Variants in CHD6 observed in about 807,000 individuals in gnomAD.
CHD6 encodes the protein ATP-dependent chromatin remodeler CHD6.
A neutral mutation model predicts 276.9 loss-of-function variants in CHD6; 50 were observed. The ratio of observed to expected loss-of-function variants is 0.18; its 90% CI spans 0.14 to 0.23. The LOEUF (loss-of-function observed/expected upper bound fraction) is 0.23, where lower values mean the gene tolerates loss of function less well. Among genes scored for constraint, CHD6 ranks in the 10% least tolerant of loss-of-function variants. CHD6 has a pLI of 1.00. For missense variants in CHD6, 2,564 were observed against 3,365.8 expected, an observed-to-expected ratio of 0.76 and a Z score of 5.89; for synonymous variants, 1,173 against 1,229.3, an observed-to-expected ratio of 0.95 and a Z score of 0.96.
chr20:41,554,074 T>C (rs2045184820), intron 1 of CHD6, among the ~76,000 whole-genome samples: 1 of 152,144 alleles, frequency 6.6e-6, no homozygotes, highest in Non-Finnish European at 1.5e-5. Context: ...CATCTGAGTC[T>C]GGGAGGTCCA....
intron 1 of CHD6, among the ~76,000 whole-genome samples, chr20:41,602,270 T>C (rs1251225626): frequency 6.6e-6 from 1 of 152,234 alleles, no homozygotes; most frequent in Admixed American, 6.5e-5. Context: ...CAAAGCTTCC[T>C]TTCCGCTACC....
In CHD6 at chr20:41,423,710, T is replaced by G. The variant is rs778385715; in HGVS notation, c.4347-10A>C. 4 of 1,609,244 alleles carry G rather than the reference T, an allele frequency of 2.5e-6. No individual in the cohort carries two copies. Among genetic ancestry groups the G allele is most frequent in the Non-Finnish European group, 3.4e-6 (4 of 1,175,864 alleles). On this transcript the variant is annotated splice_polypyrimidine_tract_variant and intron_variant, in intron 29 of 36. Transcript: ENST00000373233. ...TTCTCTCCTAGTCCACCTTGAGATT[T>G]AATCAGAAAGGAAGAGTGAGCTCTT...
At chr20:41,596,031 A>T (rs1185541696) in intron 1 of CHD6, among the ~76,000 whole-genome samples, 1 of 152,106 alleles carries the variant, frequency 6.6e-6, no homozygotes. Context: ...GGGACCCTTT[A>T]GACAACCTTC....
chr20:41,609,843 T>G (rs2045867115), intron 1 of CHD6, among the ~76,000 whole-genome samples: 1 of 149,302 alleles, frequency 6.7e-6, no homozygotes, highest in African/African-American at 2.5e-5. Flanking sequence ...GTTTCCTTTT[T>G]TTTTCTTTTT....
intron 1 of CHD6, among the ~76,000 whole-genome samples, chr20:41,555,260 CG>C (rs1386284060): frequency 2.2e-5 from 3 of 135,064 alleles, no homozygotes; most frequent in African/African-American, 8.8e-5. Flanking sequence ...CCCTCCTGGA[CG>C]GGGCGGCTGG....
At chr20:41,491,099 A>G (rs796209708) in intron 11 of CHD6, among the ~76,000 whole-genome samples, 65 of 152,224 alleles carry the variant, frequency 4.3e-4, no homozygotes, top group African/African-American at 1.5e-3. Context: ...CACTGTAGAC[A>G]TTATAAATAC....
rs2145343566 is a variant in CHD6, at chr20:41,403,795, G to C, written c.*798C>G. 1 of 1,058,534 alleles carries C rather than the reference G, an allele frequency of 9.4e-7. No individual in the cohort carries two copies. The highest frequency in any genetic ancestry group is 1.6e-5 in the African/African-American group (1 of 60,778). The allele number at this position is 1,058,534 out of a possible 1,614,324, so 65.6% of individuals were successfully genotyped here. A position where few individuals can be genotyped will look rare whatever the true frequency, so the allele number is the denominator to read the frequency against. ...AGCAGAGCGCTAGCCGTGTGCTTGT[G>C]AAGCAGCGTGTAGCTCTACGGAGCG... On this transcript the variant is annotated 3_prime_UTR_variant, in exon 37 of 37. Coordinates refer to ENST00000373233, the MANE Select transcript of CHD6 (RefSeq NM_032221.5).
At chr20:41,591,049 A>G (rs1461359367) in intron 1 of CHD6, among the ~76,000 whole-genome samples, 1 of 152,026 alleles carries the variant, frequency 6.6e-6, no homozygotes, top group African/African-American at 2.4e-5. Context: ...TGATGAGTTC[A>G]TGTCCTTTGT....
chr20:41,556,557 C>T (rs1297930298), intron 1 of CHD6, among the ~76,000 whole-genome samples: 1 of 152,106 alleles, frequency 6.6e-6, no homozygotes, highest in African/African-American at 2.4e-5. Context: ...AATATCACAT[C>T]AGCCTTGGCT....
At position 41,421,285 on chromosome 20, in the gene CHD6, T is replaced by C. The variant is rs764671502; in HGVS notation, c.5350A>G (p.Ile1784Val). Residue 1784 changes from isoleucine (I) to valine (V), a missense_variant, in exon 31 of 37, where the codon ATT becomes GTT. Coordinates refer to ENST00000373233, the MANE Select transcript of CHD6 (RefSeq NM_032221.5). Reference sequence around the variant, plus strand: ...CAGCAGAGCTCCCCTTCCTTTGAAATAGACATCAACAAATGTTTTCCATTT... The same window carrying C: ...CAGCAGAGCTCCCCTTCCTTTGAAACAGACATCAACAAATGTTTTCCATTT... ...IKNGKHLLMS[I>V]SKEGELCCSE... 8.1e-6 allele frequency: 13 copies of C among 1,614,014 alleles called. No homozygotes were observed. Among genetic ancestry groups the C allele is most frequent in the Middle Eastern group, 1.6e-4 (1 of 6,084 alleles).
chr20:41,609,661 A>G (rs1049012873), intron 1 of CHD6, among the ~76,000 whole-genome samples: 9 of 152,148 alleles, frequency 5.9e-5, no homozygotes, highest in African/African-American at 2.2e-4. Flanking sequence ...ACCACATAGG[A>G]CACCCGTTAC....
At chr20:41,498,526 G>T (rs1436256488) in intron 6 of CHD6, among the ~76,000 whole-genome samples, 1 of 152,098 alleles carries the variant, frequency 6.6e-6, no homozygotes, top group Non-Finnish European at 1.5e-5. Flanking sequence ...ACCAGAGCCT[G>T]GTGTGGAAGT....
chr20:41,424,461 G>C (rs1005402540), intron 29 of CHD6, among the ~76,000 whole-genome samples: 1 of 152,222 alleles, frequency 6.6e-6, no homozygotes, highest in African/African-American at 2.4e-5. Context: ...GAGAAGCAGG[G>C]AAGAAGTGGC....
Position 41,452,001 on chromosome 20 carries a change from C to T in CHD6, c.3348G>A (p.Leu1116=), listed in dbSNP as rs1187614138. Residue 1116 remains leucine (L), a synonymous_variant, in exon 22 of 37, where the codon CTG becomes CTA. Transcript: ENST00000373233. The surrounding 1 kb of genome is among the most constrained non-coding windows in gnomAD (Gnocchi z 4.2). ...IFGWGRWKDI[L]THGRFKWHLN... ...GATGCCACTTGAATCGGCCATGAGTCAGGATGTCCTTCCACCGGCCCCAGC... is the reference window on the plus strand; with the variant it reads ...GATGCCACTTGAATCGGCCATGAGTTAGGATGTCCTTCCACCGGCCCCAGC... 6.2e-7 allele frequency: 1 copy of T among 1,613,974 alleles called. No homozygotes were observed. The highest frequency in any genetic ancestry group is 8.5e-7 in the Non-Finnish European group (1 of 1,179,998).
chr20:41,488,442 T>G lies in CHD6; in HGVS notation c.1843A>C (p.Lys615Gln). The change falls in exon 13 of 37, where the codon AAG becomes CAG. Residue 615 changes from lysine (K) to glutamine (Q), a missense_variant. Physicochemically the swap from Lys to Gln is moderately conservative, Grantham distance 53 (BLOSUM62 1). Transcript: ENST00000373233. ...NRNCKLLEGL[K>Q]LMALEHKVLL... ...CTAACTCTCACCAGGGCCATAAGCT[T>G]TAGACCCTCCAGAAGTTTGCAGTTC... 1 of 1,613,494 alleles carries G rather than the reference T, an allele frequency of 6.2e-7. No homozygotes were observed. Among genetic ancestry groups the G allele is most frequent in the Non-Finnish European group, 8.5e-7 (1 of 1,179,672 alleles).
chr20:41,554,087 C>A (rs1483767846), intron 1 of CHD6, among the ~76,000 whole-genome samples: 4 of 152,138 alleles, frequency 2.6e-5, no homozygotes, highest in Non-Finnish European at 4.4e-5. Flanking sequence ...GAGGTCCAAG[C>A]TGCAGTGAGA....
Position 41,413,482 on chromosome 20 carries a change from T to C in CHD6, c.6973A>G (p.Ser2325Gly), listed in dbSNP as rs751108169. 4 of 1,600,856 alleles carry C rather than the reference T, an allele frequency of 2.5e-6. No homozygotes were observed. Among genetic ancestry groups the C allele is most frequent in the African/African-American group, 1.3e-5 (1 of 74,728 alleles). The change falls in exon 35 of 37, where the codon AGC becomes GGC. Residue 2325 changes from serine (S) to glycine (G), a missense_variant. Ser to Gly is a moderately conservative substitution (Grantham distance 56). This residue lies in a region of CHD6 where 1,024 missense variants were observed against 1,047.9 expected (regional missense o/e 0.98). Transcript: ENST00000373233. ...CCTGGCCCCTCAGGGTGTGTGGTGC[T>C]CAAGGTGGCCTGCCCTGGGTCTTCA... ...VHEDPGQATL[S>G]TTHPEGPGPA...
chr20:41,442,686 G>A (rs892740328), intron 25 of CHD6, among the ~76,000 whole-genome samples: 9 of 152,200 alleles, frequency 5.9e-5, no homozygotes, highest in African/African-American at 2.2e-4. Context: ...GGTAAGACAT[G>A]TTGTGTGGGC....
intron 22 of CHD6, among the ~76,000 whole-genome samples, 157 bp downstream of exon 22, chr20:41,451,669 G>T (rs2048244493): frequency 6.6e-6 from 1 of 152,190 alleles, no homozygotes; most frequent in African/African-American, 2.4e-5. Flanking sequence ...AGATTCTGAG[G>T]CAGAAACGAA....
Sources: gnomAD v4.1 joint callset for allele counts (sites outside exome capture counted in the v4.1 genomes callset) on GRCh38, gnomAD v4.1.1 for gene constraint, gnomAD v4.1.1 regional missense constraint, Gnocchi (gnomAD v3.1) non-coding constraint, MANE v1.5 for transcripts, NCBI Gene and HGNC (gene_info 2026-07-23, HGNC 2026-07-21) for gene names.